The following HCK variants were observed in gnomAD, a reference collection of about 807,000 sequenced individuals.
The protein encoded by HCK is tyrosine-protein kinase HCK.
HCK carries 40 observed loss-of-function variants against 70.4 expected under a neutral mutation model. The observed-to-expected ratio is 0.57, with a 90% CI of 0.44 to 0.74. The LOEUF (loss-of-function observed/expected upper bound fraction) is 0.74. Ranked by LOEUF, HCK falls within the 30% of genes least tolerant of loss-of-function variation. HCK has a pLI of 0.00. For missense variants in HCK, 568 were observed against 697.2 expected, an observed-to-expected ratio of 0.81 and a Z score of 2.09; for synonymous variants, 245 against 263.2, an observed-to-expected ratio of 0.93 and a Z score of 0.67.
intron 1 of HCK, 128 bp from the exon 2 acceptor site, chr20:32,071,534 G>A: frequency 8.7e-7 from 1 of 1,147,700 alleles, no homozygotes; most frequent in Non-Finnish European, 1.3e-6. Context: ...GAGCTGGCAG[G>A]GGAGTTAAGA....
In HCK at chr20:32,101,351, G is replaced by T; in HGVS notation, c.1413G>T (p.Glu471Asp). 1 of 1,614,210 alleles carries T rather than the reference G, an allele frequency of 6.2e-7. No homozygotes were observed. The highest frequency in any genetic ancestry group is 8.5e-7 in the Non-Finnish European group (1 of 1,180,036). ...ACCCTGAAGTGATCCGAGCTCTGGA[G>T]CGTGGATACCGGATGCCTCGCCCAG... is the stretch of plus-strand genomic sequence containing the variant. The change falls in exon 13 of 13, where the codon GAG becomes GAT. Residue 471 changes from glutamate (E) to aspartate (D), a missense_variant. Coordinates refer to ENST00000375852, the MANE Select transcript of HCK (RefSeq NM_002110.5).
chr20:32,061,501 G>A (rs950328362), intron 1 of HCK, among the ~76,000 whole-genome samples: 2 of 152,156 alleles, frequency 1.3e-5, no homozygotes, highest in African/African-American at 4.8e-5. Context: ...GATCTGAGAG[G>A]TGCATCCTCA....
At chr20:32,055,712 G>C (rs6121327) in intron 1 of HCK, among the ~76,000 whole-genome samples, 1 of 152,032 alleles carries the variant, frequency 6.6e-6, no homozygotes, top group South Asian at 2.1e-4. Flanking sequence ...TTTTTAAAGC[G>C]AACAATTCAG....
rs182432721 is a variant in HCK at position 32,058,004 on chromosome 20, T to G, written c.62+5518T>G. Among the ~76,000 whole-genome samples the G allele has an allele frequency of 1.7e-3, 255 of 152,278 alleles. 1 individual carries two copies. The highest frequency in any genetic ancestry group is 5.8e-3 in the African/African-American group (242 of 41,560). ...TAGGACGTGCGCTCCTGACTCTCCC[T>G]TCGAGTCACCTCCCTGAGTTCCAGG... On this transcript the variant is annotated intron_variant, in intron 1 of 12. Coordinates refer to ENST00000375852, the MANE Select transcript of HCK (RefSeq NM_002110.5).
chr20:32,076,318 T>C (rs2045625284), intron 5 of HCK, among the ~76,000 whole-genome samples: 1 of 151,652 alleles, frequency 6.6e-6, no homozygotes, highest in East Asian at 1.9e-4. Context: ...ACAAGAGCGA[T>C]ACTCTGTCAA....
At position 32,097,511 on chromosome 20, in the gene HCK, C is replaced by T. The variant is rs375602821; in HGVS notation, c.1247-1493C>T. On this transcript the variant is annotated intron_variant, in intron 11 of 12. Transcript: ENST00000375852. ...GGAGAATGGCGTGAAAGCCGGGAGG[C>T]GGAACTTGCAGTGAGCTGAGATGAC... Among the ~76,000 whole-genome samples the T allele has an allele frequency of 1.8e-4, 28 of 151,922 alleles. No homozygotes were observed. In the South Asian group the frequency reaches 3.1e-3, roughly 17 times the overall value.
intron 10 of HCK, among the ~76,000 whole-genome samples, chr20:32,089,557 A>G (rs1324354012): frequency 6.6e-6 from 1 of 152,210 alleles, no homozygotes; most frequent in Non-Finnish European, 1.5e-5. Context: ...GAGTCAAAAG[A>G]GCACAGTATC....
intron 5 of HCK, among the ~76,000 whole-genome samples, chr20:32,078,879 AGGGGGGG>A (rs2045667916): frequency 6.6e-4 from 89 of 134,916 alleles, no homozygotes; most frequent in Middle Eastern, 4.1e-3. Context: ...AAAAAAAAAA[AGGGGGGG>A]AATGATAAAG....
intron 5 of HCK, among the ~76,000 whole-genome samples, chr20:32,075,686 C>T (rs953195644): frequency 1.3e-5 from 2 of 150,684 alleles, no homozygotes; most frequent in East Asian, 3.9e-4. Context: ...CTTCAGTCAT[C>T]CATCCATCCA....
chr20:32,060,343 C>A (rs1381547514), intron 1 of HCK, among the ~76,000 whole-genome samples: 1 of 152,172 alleles, frequency 6.6e-6, no homozygotes, highest in Non-Finnish European at 1.5e-5. Flanking sequence ...GCCTTAGCCT[C>A]CCAAGTAGCT....
intron 1 of HCK, among the ~76,000 whole-genome samples, chr20:32,058,545 G>T (rs1359175363): frequency 1.8e-5 from 2 of 110,184 alleles, no homozygotes; most frequent in Non-Finnish European, 4.0e-5. Context: ...AAAAAAAAAA[G>T]GGGGAGAACT....
intron 6 of HCK, among the ~76,000 whole-genome samples, chr20:32,083,599 C>T (rs992992508): frequency 4.6e-5 from 7 of 152,182 alleles, no homozygotes; most frequent in South Asian, 2.1e-4. Context: ...TTCTTTTAGC[C>T]GTCAGGCAAT....
Position 32,093,285 on chromosome 20 carries a change from C to T in HCK, c.1093-578C>T, listed in dbSNP as rs377107739. Among the ~76,000 whole-genome samples, 19 of 152,128 alleles carry T rather than the reference C, an allele frequency of 1.2e-4. 2 individuals are homozygous for T. Among genetic ancestry groups the T allele is most frequent in the Admixed American group, 1.0e-3 (16 of 15,260 alleles). Reference sequence around the variant, plus strand: ...TTATGGTACTTACCACCTGCAGGGGCTTTGCCGGGCTCATCACCTGTTCAA... The same window carrying T: ...TTATGGTACTTACCACCTGCAGGGGTTTTGCCGGGCTCATCACCTGTTCAA... On this transcript the variant is annotated intron_variant, in intron 10 of 12. Coordinates refer to ENST00000375852, the MANE Select transcript of HCK (RefSeq NM_002110.5).
chr20:32,099,902 CT>C (rs5841098), intron 12 of HCK, among the ~76,000 whole-genome samples: 96,065 of 143,216 alleles, frequency 0.67, 33,027 homozygotes, highest in East Asian at 0.98. Flanking sequence ...CTTTCTCCAC[CT>C]TTTTTTTTTT....
rs71336559 is a variant in HCK at position 32,099,350 on chromosome 20, C to CTTTTTTTT, written c.1378+233_1378+240dup. Among the ~76,000 whole-genome samples the CTTTTTTTT allele has an allele frequency of 3.4e-4, 29 of 85,172 alleles. 1 individual carries two copies. The highest frequency in any genetic ancestry group is 1.4e-3 in the African/African-American group (22 of 15,518). 55.9% of individuals were successfully genotyped at this position (85,172 alleles called of 152,430 possible). A position where few individuals can be genotyped will look rare whatever the true frequency, so the allele number is the denominator to read the frequency against. On this transcript the variant is annotated intron_variant, in intron 12 of 12. Coordinates refer to ENST00000375852, the MANE Select transcript of HCK (RefSeq NM_002110.5). ...CCTTCCTTCTCTCTCACTCCTATGA[C>CTTTTTTTT]TTTTTTTTTTTTTTTTTTTTTTTTT...
At chr20:32,061,199 G>T (rs2001413) in intron 1 of HCK, among the ~76,000 whole-genome samples, 3 of 152,060 alleles carry the variant, frequency 2.0e-5, no homozygotes, top group South Asian at 2.1e-4. Flanking sequence ...GGCCAGGCTG[G>T]TCTTGAACTC....
chr20:32,052,509 C>T lies in HCK; in HGVS notation c.62+23C>T, dbSNP rs564163501. The stretch of plus-strand genomic sequence containing the variant: ...CAGGTGAGTGCCGCGCACAGGGGAC[C>T]GGGAATACCCGGCCCGCGAGGGGTC... On this transcript the variant is annotated intron_variant, in intron 1 of 12. Coordinates refer to ENST00000375852, the MANE Select transcript of HCK (RefSeq NM_002110.5). The T allele has an allele frequency of 4.2e-4, 528 of 1,259,702 alleles. 1 individual carries two copies. Among genetic ancestry groups the T allele is most frequent in the Non-Finnish European group, 4.8e-4 (477 of 993,284 alleles). The allele number at this position is 1,259,702 out of a possible 1,614,324, so 78.0% of individuals were successfully genotyped here. A position where few individuals can be genotyped will look rare whatever the true frequency, so the allele number is the denominator to read the frequency against.
Position 32,069,780 on chromosome 20 carries a change from T to C in HCK, c.63-1882T>C, listed in dbSNP as rs555077351. 244 of 1,273,238 alleles carry C rather than the reference T, an allele frequency of 1.9e-4. 1 individual carries two copies. The South Asian group carries it at 2.1e-3, about 11-fold the overall frequency. 78.9% of individuals were successfully genotyped at this position (1,273,238 alleles called of 1,614,324 possible). ...AATCCTTGTAAATAAAAGGAATCTT[T>C]TTTCATTTTTAAAAGTAACTCATCT... On this transcript the variant is annotated intron_variant, in intron 1 of 12. Transcript: ENST00000375852.
intron 1 of HCK, among the ~76,000 whole-genome samples, chr20:32,057,593 C>T (rs927809945): frequency 6.6e-6 from 1 of 152,146 alleles, no homozygotes; most frequent in African/African-American, 2.4e-5. Context: ...GAGCAAGACC[C>T]TGTCTCATAA....
Sources: allele counts gnomAD v4.1 joint callset (sites outside exome capture counted in the v4.1 genomes callset), GRCh38; gene constraint gnomAD v4.1.1; transcripts MANE v1.5; gene names NCBI Gene and HGNC (gene_info 2026-07-23, HGNC 2026-07-21).